THSD7A: variants seen among roughly 807,000 people sequenced by gnomAD.
THSD7A encodes the protein thrombospondin type-1 domain-containing protein 7A.
Under a neutral mutation model 231.3 loss-of-function variants are expected in THSD7A, and 96 were observed. The ratio of observed to expected loss-of-function variants is 0.41; its 90% CI spans 0.35 to 0.49. The LOEUF (loss-of-function observed/expected upper bound fraction) is 0.49, where lower values mean the gene tolerates loss of function less well. Ranked by LOEUF, THSD7A falls within the 20% of genes least tolerant of loss-of-function variation. THSD7A has a pLI of 0.05. For synonymous variants in THSD7A, 940 were observed against 743.3 expected, an observed-to-expected ratio of 1.26 and a Z score of -4.30; for missense variants, 2,290 against 2,070.2, an observed-to-expected ratio of 1.11 and a Z score of -2.06.
Position 11,636,876 on chromosome 7 carries a change from C to T in THSD7A, c.276G>A (p.Trp92Ter), listed in dbSNP as rs1781883473. 1 of 1,613,900 alleles carries T rather than the reference C, an allele frequency of 6.2e-7. No individual in the cohort carries two copies. The highest frequency in any genetic ancestry group is 8.5e-7 in the Non-Finnish European group (1 of 1,179,884). Residue 92 changes from tryptophan (W) to a stop codon, truncating the protein, a stop_gained, in exon 2 of 28, where the codon TGG becomes TGA. Transcript: ENST00000423059. LOFTEE classifies it high-confidence loss of function. The surrounding 1 kb of genome is among the most constrained non-coding windows in gnomAD (Gnocchi z 10.0). The stretch of plus-strand genomic sequence containing the variant: ...GCTTACAGTTAGTATGCAGTGTAGT[C>T]CATCCCTCCACATGAGCACACCACA... ...RAVWCAHVEGWTTLHTNCKQA... is the reference protein window; with the variant it reads ...RAVWCAHVEG
intron 1 of THSD7A, among the ~76,000 whole-genome samples, chr7:11,795,262 C>T (rs914705117): frequency 1.3e-5 from 2 of 151,846 alleles, no homozygotes; most frequent in African/African-American, 4.8e-5. Flanking sequence ...CATACACACA[C>T]AAGCATGCAC....
At chr7:11,740,556 A>G (rs79043126) in intron 1 of THSD7A, among the ~76,000 whole-genome samples, 5,769 of 151,992 alleles carry the variant, frequency 0.038, 374 homozygotes, top group African/African-American at 0.13. Flanking sequence ...CCCCCTCAGC[A>G]GCTGGACACA....
At chr7:11,641,697 C>G (rs1036108257) in intron 1 of THSD7A, among the ~76,000 whole-genome samples, 1 of 150,500 alleles carries the variant, frequency 6.6e-6, no homozygotes, top group African/African-American at 2.4e-5. Context: ...CAATAAAATG[C>G]ATGAAGGCAC....
At chr7:11,386,464 C>G (rs1782748580) in intron 23 of THSD7A, among the ~76,000 whole-genome samples, 3 of 152,176 alleles carry the variant, frequency 2.0e-5, no homozygotes, top group Non-Finnish European at 2.9e-5. Context: ...TCTCTAATGA[C>G]CAGTGATGAT....
Position 11,374,176 on chromosome 7 carries a change from T to A in THSD7A, c.*1618A>T, listed in dbSNP as rs373145478. 3.5e-4 allele frequency: 54 copies of A among 152,246 alleles called. No individual in the cohort carries two copies. Among genetic ancestry groups the A allele is most frequent in the African/African-American group, 1.2e-3 (51 of 41,574 alleles). 9.4% of individuals were successfully genotyped at this position (152,246 alleles called of 1,614,324 possible). ...ACCTGCAAAGGTGGCCTACTGGCTG[T>A]TTTTGTAAGGGAAGTTATATAGGAA... On this transcript the variant is annotated 3_prime_UTR_variant, in exon 28 of 28. Transcript: ENST00000423059.
chr7:11,554,957 A>C (rs1789784827), intron 4 of THSD7A, among the ~76,000 whole-genome samples: 1 of 151,512 alleles, frequency 6.6e-6, no homozygotes, highest in Non-Finnish European at 1.5e-5. Flanking sequence ...ACATTTCCCT[A>C]TTTCATTCCT....
At chr7:11,417,358 G>A in intron 17 of THSD7A, 92 bp downstream of exon 17, 1 of 1,231,712 alleles carries the variant, frequency 8.1e-7, no homozygotes, top group Non-Finnish European at 1.1e-6. Flanking sequence ...ATTTTACATT[G>A]AAGTTATTAT....
chr7:11,683,927 AC>A (rs1562474100), intron 1 of THSD7A, among the ~76,000 whole-genome samples: 5 of 151,946 alleles, frequency 3.3e-5, no homozygotes, highest in African/African-American at 1.2e-4. Flanking sequence ...AACAACAACA[AC>A]AACAAAAAAC....
intron 1 of THSD7A, among the ~76,000 whole-genome samples, chr7:11,779,340 C>T (rs1034455269): frequency 1.3e-5 from 2 of 152,128 alleles, no homozygotes; most frequent in African/African-American, 2.4e-5. Flanking sequence ...CCTTAATGGT[C>T]GGTATTAGAA....
intron 1 of THSD7A, among the ~76,000 whole-genome samples, chr7:11,786,597 A>G (rs1041160567): frequency 6.9e-6 from 1 of 145,854 alleles, no homozygotes; most frequent in African/African-American, 2.8e-5. Flanking sequence ...TTTTAGCCAC[A>G]GAACTTCCTA....
Position 11,377,611 on chromosome 7 carries a change from CAATT to C in THSD7A, c.4802-958_4802-955del, listed in dbSNP as rs1782326605. On this transcript the variant is annotated intron_variant, in intron 26 of 27. Transcript: ENST00000423059. This position sits in a 1 kb window ranked among gnomAD's most constrained non-coding sequence, Gnocchi z 4.5. Reference sequence around the variant, plus strand: ...GAGGTTCATTTGCTGGGAATAAACTCAATTAATATTCTAAATATCCTTTCTTTCT... The same window carrying C: ...GAGGTTCATTTGCTGGGAATAAACTCAATATTCTAAATATCCTTTCTTTCT... 8.5e-5 allele frequency among the ~76,000 whole-genome samples: 13 copies of C among 152,122 alleles called. No homozygotes were observed. In the South Asian group the frequency reaches 2.7e-3, roughly 31 times the overall value.
intron 3 of THSD7A, among the ~76,000 whole-genome samples, chr7:11,592,399 C>G (rs1780201240): frequency 6.6e-6 from 1 of 152,124 alleles, no homozygotes; most frequent in South Asian, 2.1e-4. Flanking sequence ...TCACACATCT[C>G]TATTGAAAAA....
intron 2 of THSD7A, among the ~76,000 whole-genome samples, chr7:11,627,966 T>C (rs1171861690): frequency 1.3e-5 from 2 of 152,052 alleles, no homozygotes; most frequent in Non-Finnish European, 1.5e-5. Context: ...ATAATGCACC[T>C]CCTCATGAAT....
chr7:11,469,890 G>A lies in THSD7A; in HGVS notation c.2357C>T (p.Ser786Leu), dbSNP rs1405299088. The A allele has an allele frequency of 1.3e-5, 20 of 1,593,190 alleles. No individual in the cohort carries two copies. Among genetic ancestry groups the A allele is most frequent in the Non-Finnish European group, 1.7e-5 (20 of 1,167,542 alleles). Residue 786 changes from serine to leucine, a missense_variant, in exon 9 of 28, where the codon TCG becomes TTG. Transcript: ENST00000423059. ...PYSDWTSCPSSCKEGDSSIRK... is the reference protein window; with the variant it reads ...PYSDWTSCPSLCKEGDSSIRK... The stretch of plus-strand genomic sequence containing the variant: ...TCTGCAGACCATACCTTCTTTACAC[G>A]AAGAGGGGCATGATGTCCAGTCACT...
intron 1 of THSD7A, among the ~76,000 whole-genome samples, chr7:11,815,417 C>T (rs967406405): frequency 1.3e-5 from 2 of 151,984 alleles, no homozygotes; most frequent in African/African-American, 4.8e-5. Context: ...TTTGTATTCC[C>T]TTTCACGGAA....
chr7:11,403,126 A>G (rs1783465016), intron 22 of THSD7A, among the ~76,000 whole-genome samples: 1 of 152,180 alleles, frequency 6.6e-6, no homozygotes, highest in African/African-American at 2.4e-5. Flanking sequence ...ACAGTCAATT[A>G]TGATAGACAC....
intron 1 of THSD7A, among the ~76,000 whole-genome samples, chr7:11,653,883 AATG>A (rs1466231632): frequency 6.6e-6 from 1 of 151,962 alleles, no homozygotes; most frequent in Non-Finnish European, 1.5e-5. Flanking sequence ...ATAAAAATAC[AATG>A]AAATTGATTT....
intron 13 of THSD7A, among the ~76,000 whole-genome samples, chr7:11,437,285 T>G (rs1447978141): frequency 6.6e-6 from 1 of 152,078 alleles, no homozygotes; most frequent in Non-Finnish European, 1.5e-5. Context: ...CCAGCCCTTC[T>G]CTCCCTCATC....
At chr7:11,395,502 A>T (rs982838291) in intron 23 of THSD7A, among the ~76,000 whole-genome samples, 5 of 151,932 alleles carry the variant, frequency 3.3e-5, no homozygotes, top group African/African-American at 1.2e-4. Flanking sequence ...TCTCCACCCC[A>T]AATCAACAGA....
Sources: gnomAD v4.1 joint callset for allele counts (sites outside exome capture counted in the v4.1 genomes callset) on GRCh38, gnomAD v4.1.1 for gene constraint, Gnocchi (gnomAD v3.1) non-coding constraint, MANE v1.5 for transcripts, NCBI Gene and HGNC (gene_info 2026-07-23, HGNC 2026-07-21) for gene names.